SATB2: variants seen among roughly 807,000 people sequenced by gnomAD.
SATB2 encodes the protein SATB homeobox 2, also known as DNA-binding protein SATB2.
A neutral mutation model predicts 73.4 loss-of-function variants in SATB2; 1 was observed. The ratio of observed to expected loss-of-function variants is 0.01; its 90% CI spans 0.00 to 0.06. The LOEUF (loss-of-function observed/expected upper bound fraction) is 0.06. SATB2 is among the 10% of genes least tolerant of loss of function. The pLI is 1.00. For synonymous variants in SATB2, 397 were observed against 367.0 expected, an observed-to-expected ratio of 1.08 and a Z score of -0.93; for missense variants, 459 against 945.8, an observed-to-expected ratio of 0.49 and a Z score of 6.75.
chr2:199,301,287 T>C (rs769322090), intron 10 of SATB2, among the ~76,000 whole-genome samples: 4 of 152,108 alleles, frequency 2.6e-5, no homozygotes, highest in Non-Finnish European at 4.4e-5. Flanking sequence ...AAAGAAGTCA[T>C]ATGAATCTCT....
intron 7 of SATB2, among the ~76,000 whole-genome samples, chr2:199,341,204 CA>C (rs1171330985): frequency 6.6e-6 from 1 of 152,074 alleles, no homozygotes; most frequent in East Asian, 1.9e-4. Context: ...AAGATGTAAA[CA>C]AATTAAATAG....
intron 5 of SATB2, among the ~76,000 whole-genome samples, chr2:199,376,282 C>T (rs1203407633): frequency 1.3e-5 from 2 of 152,202 alleles, no homozygotes; most frequent in Non-Finnish European, 2.9e-5. Flanking sequence ...ACTCTATTCA[C>T]TGTTTCTAGT....
chr2:199,379,544 T>C (rs1280823226), intron 5 of SATB2, among the ~76,000 whole-genome samples: 1 of 152,178 alleles, frequency 6.6e-6, no homozygotes, highest in East Asian at 1.9e-4. Flanking sequence ...CCAGCTAGTA[T>C]GCTTAGGCAG....
In SATB2 at chr2:199,272,677, T is replaced by A; in HGVS notation, c.1741-5A>T. 1 of 1,612,982 alleles carries A rather than the reference T, an allele frequency of 6.2e-7. No individual in the cohort carries two copies. On this transcript the variant is annotated splice_polypyrimidine_tract_variant and splice_region_variant and intron_variant, in intron 10 of 10. Coordinates refer to ENST00000417098, the MANE Select transcript of SATB2 (RefSeq NM_001172509.2). The surrounding 1 kb of genome is among the most constrained non-coding windows in gnomAD (Gnocchi z 6.7). ...AGACTGCTGTCTATGAAGTACCTGATAATTAAGAGAGAAAAAAATGAACAC... is the reference window on the plus strand; with the variant it reads ...AGACTGCTGTCTATGAAGTACCTGAAAATTAAGAGAGAAAAAAATGAACAC...
At chr2:199,467,709 A>G (rs1692620845), upstream of SATB2, among the ~76,000 whole-genome samples, 1 of 152,176 alleles carries the variant, frequency 6.6e-6, no homozygotes, top group Non-Finnish European at 1.5e-5. Context: ...AGGAGAGGGC[A>G]GTCAGGTCAA....
At chr2:199,302,542 A>G (rs1018985559) in intron 10 of SATB2, among the ~76,000 whole-genome samples, 2 of 152,170 alleles carry the variant, frequency 1.3e-5, no homozygotes, top group Non-Finnish European at 2.9e-5. Flanking sequence ...AACTGCTACA[A>G]TATTTTATTA....
chr2:199,321,497 T>C (rs1687888993), intron 9 of SATB2, among the ~76,000 whole-genome samples: 1 of 151,210 alleles, frequency 6.6e-6, no homozygotes, highest in Admixed American at 6.6e-5. Flanking sequence ...TATATGTGTA[T>C]ATACACATAC....
At chr2:199,348,082 C>T (rs1010297577) in intron 7 of SATB2, 4 of 152,208 alleles carry the variant, frequency 2.6e-5, no homozygotes, top group African/African-American at 9.7e-5. Flanking sequence ...AAAAATAAGA[C>T]GTGTGAATTA....
intron 10 of SATB2, among the ~76,000 whole-genome samples, chr2:199,277,324 T>A (rs765386820): frequency 2.0e-5 from 3 of 152,228 alleles, no homozygotes; most frequent in African/African-American, 4.8e-5. Context: ...TTTTACTGTA[T>A]GCAAACTATA....
intron 2 of SATB2, among the ~76,000 whole-genome samples, chr2:199,444,136 A>G (rs1302428940): frequency 6.6e-6 from 1 of 152,034 alleles, no homozygotes; most frequent in East Asian, 1.9e-4. Flanking sequence ...TATAATTTAT[A>G]TAATTTCCAA....
chr2:199,344,312 C>G (rs1477579751), intron 7 of SATB2, among the ~76,000 whole-genome samples: 1 of 152,004 alleles, frequency 6.6e-6, no homozygotes, highest in African/African-American at 2.4e-5. Context: ...AAAGATAGAT[C>G]CTTCCAATTT....
intron 6 of SATB2, among the ~76,000 whole-genome samples, chr2:199,362,966 T>C (rs914703766): frequency 3.2e-4 from 48 of 152,210 alleles, no homozygotes; most frequent in African/African-American, 1.1e-3. Flanking sequence ...TATGAGTAGA[T>C]TGCAAGCTCA....
chr2:199,270,029 G>A lies in SATB2; in HGVS notation c.*2182C>T, dbSNP rs957200203. The stretch of plus-strand genomic sequence containing the variant: ...GCTTGGCAAAATCAGTTTCCATTAC[G>A]TGTACAGAGTGACCTTCAGCAACAG... On this transcript the variant is annotated 3_prime_UTR_variant, in exon 11 of 11. Transcript: ENST00000417098. 2 of 152,690 alleles carry A rather than the reference G, an allele frequency of 1.3e-5. No individual in the cohort carries two copies. The highest frequency in any genetic ancestry group is 1.9e-4 in the East Asian group (1 of 5,330). 9.5% of individuals were successfully genotyped at this position (152,690 alleles called of 1,614,324 possible).
At chr2:199,468,525 T>G (rs920735374), upstream of SATB2, among the ~76,000 whole-genome samples, 11 of 152,182 alleles carry the variant, frequency 7.2e-5, no homozygotes, top group African/African-American at 2.7e-4. Flanking sequence ...AGTGAGGTAT[T>G]TGTGCATCAG....
At chr2:199,339,560 C>CT (rs765708669) in intron 7 of SATB2, among the ~76,000 whole-genome samples, 2 of 152,080 alleles carry the variant, frequency 1.3e-5, no homozygotes, top group Non-Finnish European at 2.9e-5. Context: ...TTCCTTTTTT[C>CT]ACAGGTTTCC....
chr2:199,399,767 G>A lies in SATB2; in HGVS notation c.347-17947C>T, dbSNP rs906467569. On this transcript the variant is annotated intron_variant, in intron 3 of 10. Coordinates refer to ENST00000417098, the MANE Select transcript of SATB2 (RefSeq NM_001172509.2). ...ACACTTTCAAACAACCAGATCTCAC[G>A]GTAACTCACTCACTCACTCACTATT... is the stretch of plus-strand genomic sequence containing the variant. Among the ~76,000 whole-genome samples, 10 of 152,116 alleles carry A rather than the reference G, an allele frequency of 6.6e-5. No individual in the cohort carries two copies. In the South Asian group the frequency reaches 1.5e-3, roughly 22 times the overall value.
intron 3 of SATB2, among the ~76,000 whole-genome samples, chr2:199,382,521 A>T (rs1689809588): frequency 6.6e-6 from 1 of 152,200 alleles, no homozygotes; most frequent in South Asian, 2.1e-4. Flanking sequence ...CATGCATAAC[A>T]ATGAAAAAAT....
intron 6 of SATB2, among the ~76,000 whole-genome samples, chr2:199,355,318 A>T (rs1049981695): frequency 8.2e-6 from 1 of 122,554 alleles, no homozygotes; most frequent in African/African-American, 4.0e-5. Context: ...ATGTATATAC[A>T]TATGTATGTG....
At chr2:199,299,065 T>C (rs1687205631) in intron 10 of SATB2, among the ~76,000 whole-genome samples, 1 of 152,122 alleles carries the variant, frequency 6.6e-6, no homozygotes, top group Non-Finnish European at 1.5e-5. Flanking sequence ...GTACTAACGA[T>C]GAATTAGCCC....
Sources: allele counts gnomAD v4.1 joint callset (sites outside exome capture counted in the v4.1 genomes callset), GRCh38; gene constraint gnomAD v4.1.1; non-coding constraint Gnocchi (gnomAD v3.1); transcripts MANE v1.5; gene names NCBI Gene and HGNC (gene_info 2026-07-23, HGNC 2026-07-21).